The following TPMT variants were observed in gnomAD, a reference collection of about 807,000 sequenced individuals.
TPMT encodes the protein S-adenosyl-L-methionine:thiopurine S-methyltransferase.
Under a neutral mutation model 34.2 loss-of-function variants are expected in TPMT, and 18 were observed. The ratio of observed to expected loss-of-function variants is 0.53; its 90% CI spans 0.36 to 0.78. The LOEUF is 0.78. Ranked by LOEUF, TPMT falls within the 30% of genes least tolerant of loss-of-function variation. The probability of loss-of-function intolerance (pLI) is 0.00; values close to 1 mark genes in which losing one functional copy is unlikely to be tolerated. For synonymous variants in TPMT, 69 were observed against 92.4 expected, an observed-to-expected ratio of 0.75 and a Z score of 1.45; for missense variants, 265 against 288.1, an observed-to-expected ratio of 0.92 and a Z score of 0.58.
rs2150707184 is a variant in TPMT at position 18,130,421 on chromosome 6, T to C, written c.*247A>G. ...AATATCTTGCAATCTGCAAGACACA[T>C]AGGCATAATCTTTCACATCATAATC... On this transcript the variant is annotated 3_prime_UTR_variant, in exon 9 of 9. Transcript: ENST00000309983. This position sits in a 1 kb window ranked among gnomAD's most constrained non-coding sequence, Gnocchi z 4.2. 2.2e-6 allele frequency: 1 copy of C among 446,514 alleles called. No homozygotes were observed. Among genetic ancestry groups the C allele is most frequent in the Admixed American group, 3.8e-5 (1 of 26,608 alleles). 27.7% of individuals were successfully genotyped at this position (446,514 alleles called of 1,614,324 possible).
chr6:18,147,240 T>G lies in TPMT; in HGVS notation c.233+583A>C, dbSNP rs1330607249. On this transcript the variant is annotated intron_variant, in intron 3 of 8. Coordinates refer to ENST00000309983, the MANE Select transcript of TPMT (RefSeq NM_000367.5). ...AGAGAGTTCAGTATAGAGAATGATG[T>G]CGAGGTGACTTTAGGGTAACTCATA... 2.0e-5 allele frequency among the ~76,000 whole-genome samples: 3 copies of G among 152,256 alleles called. No homozygotes were observed. The East Asian group carries it at 5.8e-4, about 29-fold the overall frequency.
intron 6 of TPMT, among the ~76,000 whole-genome samples, chr6:18,134,350 G>A (rs1293985413): frequency 2.6e-5 from 4 of 152,226 alleles, no homozygotes; most frequent in Non-Finnish European, 4.4e-5. Flanking sequence ...GGCCTGGGAT[G>A]CTGCAATTTA....
rs2150710285 is a variant in TPMT at position 18,135,653 on chromosome 6, C to T, written c.495-1764G>A. 6.6e-6 allele frequency among the ~76,000 whole-genome samples: 1 copy of T among 152,250 alleles called. No homozygotes were observed. Among genetic ancestry groups the T allele is most frequent in the South Asian group, 2.1e-4 (1 of 4,822 alleles). ...TTGGGAGGCCGAGGTGGGCAGATCA[C>T]CTGAGGTCGGGAGTTCGAGACCAGC... On this transcript the variant is annotated intron_variant, in intron 6 of 8. Coordinates refer to ENST00000309983, the MANE Select transcript of TPMT (RefSeq NM_000367.5). The surrounding 1 kb of genome is among the most constrained non-coding windows in gnomAD (Gnocchi z 5.0).
In TPMT at chr6:18,149,139, C is replaced by T. The variant is rs917706425; in HGVS notation, c.-12G>A. 1.9e-6 allele frequency: 3 copies of T among 1,613,922 alleles called. No homozygotes were observed. The highest frequency in any genetic ancestry group is 2.7e-5 in the African/African-American group (2 of 74,922). On this transcript the variant is annotated 5_prime_UTR_variant, in exon 2 of 9. Transcript: ENST00000309983. The surrounding 1 kb of genome is among the most constrained non-coding windows in gnomAD (Gnocchi z 5.0). Reference sequence around the variant, plus strand: ...CTTGTACCATCCATAGTTTCAGAGACACCTTTGTCTCACAAGCATATGTCT... The same window carrying T: ...CTTGTACCATCCATAGTTTCAGAGATACCTTTGTCTCACAAGCATATGTCT...
Position 18,146,558 on chromosome 6 carries a change from T to C in TPMT, c.233+1265A>G, listed in dbSNP as rs1438464656. ...TATTCAACAATCACATTTAATTGGC[T>C]ATTTCATACCATTTTCCTAATGTTG... is the stretch of plus-strand genomic sequence containing the variant. On this transcript the variant is annotated intron_variant, in intron 3 of 8. Coordinates refer to ENST00000309983, the MANE Select transcript of TPMT (RefSeq NM_000367.5). The surrounding 1 kb of genome is among the most constrained non-coding windows in gnomAD (Gnocchi z 6.2). 6.6e-6 allele frequency among the ~76,000 whole-genome samples: 1 copy of C among 152,214 alleles called. No homozygotes were observed. Among genetic ancestry groups the C allele is most frequent in the African/African-American group, 2.4e-5 (1 of 41,456 alleles).
chr6:18,134,641 G>A (rs1784010096), intron 6 of TPMT, among the ~76,000 whole-genome samples: 1 of 152,200 alleles, frequency 6.6e-6, no homozygotes, highest in South Asian at 2.1e-4. Context: ...AGGTACAGAC[G>A]ATGAGTTGAC....
rs1561892021 is a variant in TPMT, at chr6:18,148,110, C to CA, written c.141-196dup. On this transcript the variant is annotated intron_variant, in intron 2 of 8. Transcript: ENST00000309983. This position sits in a 1 kb window ranked among gnomAD's most constrained non-coding sequence, Gnocchi z 4.1. ...GTCAGTGGTAAATCTGACTTACACC[C>CA]AGGGCTTTCCTGATTAGTAATTAAA... Among the ~76,000 whole-genome samples the CA allele has an allele frequency of 6.6e-6, 1 of 152,140 alleles. No homozygotes were observed. The highest frequency in any genetic ancestry group is 6.6e-5 in the Admixed American group (1 of 15,262).
In TPMT at chr6:18,150,752, A is replaced by G. The variant is rs1410294167; in HGVS notation, c.-44-1581T>C. ...TCCTTGATGCATAGCTCTGCTGGGT[A>G]TCAAATTCTTGGTTAGAAGTGTGGG... On this transcript the variant is annotated intron_variant, in intron 1 of 8. Coordinates refer to ENST00000309983, the MANE Select transcript of TPMT (RefSeq NM_000367.5). This position sits in a 1 kb window ranked among gnomAD's most constrained non-coding sequence, Gnocchi z 5.3. 4.6e-5 allele frequency among the ~76,000 whole-genome samples: 7 copies of G among 152,208 alleles called. No individual in the cohort carries two copies. Among genetic ancestry groups the G allele is most frequent in the Non-Finnish European group, 1.0e-4 (7 of 68,032 alleles).
At position 18,130,149 on chromosome 6, in the gene TPMT, G is replaced by A. The variant is rs1265777254; in HGVS notation, c.*519C>T. 6.4e-6 allele frequency: 1 copy of A among 155,880 alleles called. No individual in the cohort carries two copies. Among genetic ancestry groups the A allele is most frequent in the Non-Finnish European group, 1.4e-5 (1 of 70,882 alleles). 9.7% of individuals were successfully genotyped at this position (155,880 alleles called of 1,614,324 possible). A position where few individuals can be genotyped will look rare whatever the true frequency, so the allele number is the denominator to read the frequency against. On this transcript the variant is annotated 3_prime_UTR_variant, in exon 9 of 9. Transcript: ENST00000309983. This position sits in a 1 kb window ranked among gnomAD's most constrained non-coding sequence, Gnocchi z 4.2. The stretch of plus-strand genomic sequence containing the variant: ...AAATACAAAAAATTAGCTGGGCGTG[G>A]TGGCGCACACCTGTAATCCCAGCTA...
chr6:18,144,080 C>A (rs1784202289), intron 3 of TPMT, among the ~76,000 whole-genome samples: 1 of 152,232 alleles, frequency 6.6e-6, no homozygotes, highest in East Asian at 1.9e-4. Context: ...TAAATCAGCA[C>A]TGCCCATTAA....
At chr6:18,144,449 G>A (rs1784211706) in intron 3 of TPMT, among the ~76,000 whole-genome samples, 1 of 152,104 alleles carries the variant, frequency 6.6e-6, no homozygotes, top group South Asian at 2.1e-4. Flanking sequence ...CACAATCTCG[G>A]CTCACTGCAA....
In TPMT at chr6:18,139,160, C is replaced by T. The variant is rs1181256788; in HGVS notation, c.420-123G>A. 7.8e-6 allele frequency: 7 copies of T among 900,530 alleles called. No individual in the cohort carries two copies. The highest frequency in any genetic ancestry group is 2.7e-5 in the South Asian group (2 of 74,208). The allele number at this position is 900,530 out of a possible 1,614,324, so 55.8% of individuals were successfully genotyped here. On this transcript the variant is annotated intron_variant, in intron 5 of 8. Transcript: ENST00000309983. This position sits in a 1 kb window ranked among gnomAD's most constrained non-coding sequence, Gnocchi z 4.2. Reference sequence around the variant, plus strand: ...TCAAGGTATTAGGATCTCACGTCTGCGTTTCCTCCTAGAGGAATGTGTGGA... The same window carrying T: ...TCAAGGTATTAGGATCTCACGTCTGTGTTTCCTCCTAGAGGAATGTGTGGA...
Position 18,131,652 on chromosome 6 carries a change from A to G in TPMT, c.625+481T>C, listed in dbSNP as rs1017760460. Among the ~76,000 whole-genome samples, 1 of 152,236 alleles carries G rather than the reference A, an allele frequency of 6.6e-6. No homozygotes were observed. Among genetic ancestry groups the G allele is most frequent in the Non-Finnish European group, 1.5e-5 (1 of 68,040 alleles). On this transcript the variant is annotated intron_variant, in intron 8 of 8. Coordinates refer to ENST00000309983, the MANE Select transcript of TPMT (RefSeq NM_000367.5). The surrounding 1 kb of genome is among the most constrained non-coding windows in gnomAD (Gnocchi z 4.3). ...CAAATACCTTTAACATAGAGCATAT[A>G]GCATATATACAGAGCATATTTACAG... is the stretch of plus-strand genomic sequence containing the variant.
chr6:18,148,931 AT>A lies in TPMT; in HGVS notation c.140+56del. The A allele has an allele frequency of 6.2e-7, 1 of 1,610,050 alleles. No homozygotes were observed. The highest frequency in any genetic ancestry group is 8.5e-7 in the Non-Finnish European group (1 of 1,178,244). On this transcript the variant is annotated intron_variant, in intron 2 of 8. Coordinates refer to ENST00000309983, the MANE Select transcript of TPMT (RefSeq NM_000367.5). This position sits in a 1 kb window ranked among gnomAD's most constrained non-coding sequence, Gnocchi z 4.1. ...AATAATGTGTACTTTTATTATTTCT[AT>A]CTCAAAGTCACTTTTTGATAGAACA...
chr6:18,138,425 G>C lies in TPMT; in HGVS notation c.494+538C>G, dbSNP rs984912198. Among the ~76,000 whole-genome samples the C allele has an allele frequency of 6.6e-6, 1 of 151,882 alleles. No homozygotes were observed. The highest frequency in any genetic ancestry group is 2.4e-5 in the African/African-American group (1 of 41,338). ...GGGACTACAAGCACATACCACCACG[G>C]TCGGATAATTTTAAAAATATTTTGT... On this transcript the variant is annotated intron_variant, in intron 6 of 8. Transcript: ENST00000309983. This position sits in a 1 kb window ranked among gnomAD's most constrained non-coding sequence, Gnocchi z 4.1.
In TPMT at chr6:18,149,460, T is replaced by G. The variant is rs931614934; in HGVS notation, c.-44-289A>C. On this transcript the variant is annotated intron_variant, in intron 1 of 8. Transcript: ENST00000309983. The surrounding 1 kb of genome is among the most constrained non-coding windows in gnomAD (Gnocchi z 5.0). ...TGTGCACCATCATGCCCAGCTAATC[T>G]TTCTTTCCTTGTTTTTTTTTTTTTC... is the stretch of plus-strand genomic sequence containing the variant. 2.6e-5 allele frequency among the ~76,000 whole-genome samples: 4 copies of G among 151,388 alleles called. No individual in the cohort carries two copies. The highest frequency in any genetic ancestry group is 2.0e-4 in the Admixed American group (3 of 15,186).
intron 4 of TPMT, among the ~76,000 whole-genome samples, chr6:18,141,413 C>T (rs929663203): frequency 1.3e-5 from 2 of 150,152 alleles, no homozygotes; most frequent in East Asian, 2.0e-4. Flanking sequence ...GATCTTGGCT[C>T]GCTGCAACCT....
Position 18,143,513 on chromosome 6 carries a change from T to C in TPMT, c.366+83A>G, listed in dbSNP as rs1784186160. The C allele has an allele frequency of 1.3e-6, 2 of 1,557,498 alleles. No homozygotes were observed. The highest frequency in any genetic ancestry group is 1.8e-6 in the Non-Finnish European group (2 of 1,133,264). On this transcript the variant is annotated intron_variant, in intron 4 of 8. Transcript: ENST00000309983. This position sits in a 1 kb window ranked among gnomAD's most constrained non-coding sequence, Gnocchi z 6.1. ...TGCTAAATAGGAACCATCGGACACA[T>C]GAATGGTATCCTCATAATACTCACA... is the stretch of plus-strand genomic sequence containing the variant.
In TPMT at chr6:18,148,560, G is replaced by T. The variant is rs1012950879; in HGVS notation, c.140+428C>A. The stretch of plus-strand genomic sequence containing the variant: ...ATCCTAACTCACTTTATAATTTCTC[G>T]CAACTTCTTTTCTCCCACCATAGAG... On this transcript the variant is annotated intron_variant, in intron 2 of 8. Coordinates refer to ENST00000309983, the MANE Select transcript of TPMT (RefSeq NM_000367.5). The surrounding 1 kb of genome is among the most constrained non-coding windows in gnomAD (Gnocchi z 4.1). 6.6e-6 allele frequency among the ~76,000 whole-genome samples: 1 copy of T among 152,086 alleles called. No homozygotes were observed. The highest frequency in any genetic ancestry group is 1.5e-5 in the Non-Finnish European group (1 of 68,020).
Sources: allele counts gnomAD v4.1 joint callset (sites outside exome capture counted in the v4.1 genomes callset), GRCh38; gene constraint gnomAD v4.1.1; non-coding constraint Gnocchi (gnomAD v3.1); transcripts MANE v1.5; gene names NCBI Gene and HGNC (gene_info 2026-07-23, HGNC 2026-07-21).